Variants in USP31 observed in about 807,000 individuals in gnomAD.
USP31 encodes ubiquitin carboxyl-terminal hydrolase 31.
Under a neutral mutation model 119.4 loss-of-function variants are expected in USP31, and 44 were observed. The ratio of observed to expected loss-of-function variants is 0.37; its 90% CI spans 0.29 to 0.47. The LOEUF (loss-of-function observed/expected upper bound fraction) is 0.47. Ranked by LOEUF, USP31 falls within the 20% of genes least tolerant of loss-of-function variation. USP31 has a pLI of 0.99. For missense variants in USP31, 1,643 were observed against 1,730.2 expected (o/e 0.95, Z 0.89); for synonymous variants, 749 against 705.6 (o/e 1.06, Z -0.97).
chr16:23,087,083 T>C lies in USP31; in HGVS notation c.1622+9A>G. The C allele has an allele frequency of 6.2e-7, 1 of 1,601,320 alleles. No individual in the cohort carries two copies. Among genetic ancestry groups the C allele is most frequent in the South Asian group, 1.1e-5 (1 of 88,226 alleles). The stretch of plus-strand genomic sequence containing the variant: ...TCTAAAAGGTAATTTAAAAAAAAAT[T>C]TTTTTTACCTTTCTACTATTGGGTG... On this transcript the variant is annotated intron_variant, in intron 9 of 15. Transcript: ENST00000219689.
At chr16:23,135,239 G>A (rs1300610539) in intron 1 of USP31, among the ~76,000 whole-genome samples, 1 of 151,132 alleles carries the variant, frequency 6.6e-6, no homozygotes, top group East Asian at 1.9e-4. Flanking sequence ...ACATCATACT[G>A]AATGGTCAAA....
intron 1 of USP31, among the ~76,000 whole-genome samples, chr16:23,134,674 T>TAAAAAAAAAAAAAAAAGAA (rs1903133103): frequency 3.5e-5 from 3 of 86,850 alleles, no homozygotes; most frequent in Non-Finnish European, 4.7e-5. Context: ...GAAACAAAGC[T>TAAAAAAAAAAAAAAAAGAA]AAAAAAAAAA....
Position 23,106,494 on chromosome 16 carries a change from A to G in USP31, c.772-7T>C. On this transcript the variant is annotated splice_region_variant and splice_polypyrimidine_tract_variant and intron_variant, in intron 2 of 15. Coordinates refer to ENST00000219689, the MANE Select transcript of USP31 (RefSeq NM_020718.4). ...TATCAGTCTCTGATGGTGGCTAAAA[A>G]AAAAAGAAAGTACAACTTCACAGAC... The G allele has an allele frequency of 6.3e-7, 1 of 1,598,814 alleles. No homozygotes were observed. The highest frequency in any genetic ancestry group is 8.5e-7 in the Non-Finnish European group (1 of 1,175,078).
chr16:23,122,387 T>C (rs932437614), intron 1 of USP31, among the ~76,000 whole-genome samples: 1 of 152,166 alleles, frequency 6.6e-6, no homozygotes, highest in Admixed American at 6.6e-5. Context: ...TATAGCAATG[T>C]TGGAAAAGTG....
intron 1 of USP31, among the ~76,000 whole-genome samples, chr16:23,135,099 A>G (rs1433159586): frequency 1.6e-4 from 24 of 151,838 alleles, no homozygotes; most frequent in Admixed American, 1.5e-3. Flanking sequence ...TTGATGCAGA[A>G]GAAAGCATTT....
intron 1 of USP31, among the ~76,000 whole-genome samples, chr16:23,124,154 C>CA (rs1902770103): frequency 6.6e-6 from 1 of 152,076 alleles, no homozygotes; most frequent in Non-Finnish European, 1.5e-5. Context: ...AATCCAGAAC[C>CA]ACTCAATAGG....
intron 1 of USP31, among the ~76,000 whole-genome samples, chr16:23,112,627 G>A (rs1164898988): frequency 6.6e-6 from 1 of 152,110 alleles, no homozygotes; most frequent in Non-Finnish European, 1.5e-5. Flanking sequence ...TCTTGAAATG[G>A]TTTGGCTTAT....
chr16:23,080,002 T>C lies in USP31; in HGVS notation c.2120A>G (p.Tyr707Cys), dbSNP rs762832723. 5 of 1,614,032 alleles carry C rather than the reference T, an allele frequency of 3.1e-6. No individual in the cohort carries two copies. The highest frequency in any genetic ancestry group is 3.4e-6 in the Non-Finnish European group (4 of 1,180,018). Residue 707 changes from tyrosine (Y) to cysteine (C), a missense_variant, in exon 13 of 16, where the codon TAT becomes TGT. By Grantham distance (194) the Tyr-to-Cys change is radical (BLOSUM62 -2). Transcript: ENST00000219689. ...GLGRDPEDYI[Y>C]DLYAVCNHHG... ...GTGATTGCACACAGCATACAGGTCA[T>C]AGATGTAGTCCTCAGGGTCCCTCCC...
chr16:23,097,415 A>C (rs1901659741), intron 6 of USP31, among the ~76,000 whole-genome samples: 1 of 152,172 alleles, frequency 6.6e-6, no homozygotes, highest in African/African-American at 2.4e-5. Context: ...AGCTGGTACC[A>C]TTCCTTCTGA....
At chr16:23,070,681 T>C (rs1263825522) in intron 15 of USP31, among the ~76,000 whole-genome samples, 2 of 150,098 alleles carry the variant, frequency 1.3e-5, no homozygotes, top group Admixed American at 1.3e-4. Flanking sequence ...GCCACTACAC[T>C]CCAGCCGGGA....
In USP31 at chr16:23,067,112, GT is replaced by G; in HGVS notation, c.*933del. On this transcript the variant is annotated 3_prime_UTR_variant, in exon 16 of 16. Transcript: ENST00000219689. ...TGCAACACCTGACAAGGAAAATGAT[GT>G]CCAGTCTTTCACCCAGTTTAGAATC... 6.6e-6 allele frequency: 1 copy of G among 152,600 alleles called. No individual in the cohort carries two copies. 9.5% of individuals were successfully genotyped at this position (152,600 alleles called of 1,614,324 possible).
At chr16:23,097,991 A>G (rs1901687312) in intron 6 of USP31, among the ~76,000 whole-genome samples, 1 of 152,196 alleles carries the variant, frequency 6.6e-6, no homozygotes, top group African/African-American at 2.4e-5. Flanking sequence ...GGCAAGAGAA[A>G]GAAATAAAGG....
chr16:23,077,828 C>T (rs968059166), intron 13 of USP31, among the ~76,000 whole-genome samples: 6 of 152,076 alleles, frequency 3.9e-5, no homozygotes, highest in Non-Finnish European at 7.3e-5. Context: ...AGGCCCTTAG[C>T]CCAATGATTC....
chr16:23,070,694 C>T (rs898918071), intron 15 of USP31, among the ~76,000 whole-genome samples: 2 of 147,434 alleles, frequency 1.4e-5, no homozygotes, highest in Admixed American at 1.4e-4. Context: ...AGCCGGGAGA[C>T]AGAGACAGAC....
chr16:23,073,937 G>A lies in USP31; in HGVS notation c.2177-57C>T, dbSNP rs778048528. The A allele has an allele frequency of 7.5e-6, 12 of 1,608,926 alleles. No homozygotes were observed. In the East Asian group the frequency reaches 8.9e-5, roughly 12 times the overall value. The stretch of plus-strand genomic sequence containing the variant: ...GGAGGCTGCACCAGCCACTTCATGC[G>A]ACCCACAGACACCATCTCTTTGGCT... On this transcript the variant is annotated intron_variant, in intron 13 of 15. Transcript: ENST00000219689.
chr16:23,139,954 T>C (rs1903306518), intron 1 of USP31, among the ~76,000 whole-genome samples: 1 of 152,214 alleles, frequency 6.6e-6, no homozygotes, highest in Non-Finnish European at 1.5e-5. Context: ...TGTAGTTTTC[T>C]TAATAATGTC....
chr16:23,098,148 C>A (rs908568599), intron 6 of USP31, among the ~76,000 whole-genome samples: 2 of 152,128 alleles, frequency 1.3e-5, no homozygotes, highest in African/African-American at 4.8e-5. Context: ...AATCAATGTG[C>A]AAAAATCACA....
At chr16:23,113,672 G>A (rs1033411587) in intron 1 of USP31, among the ~76,000 whole-genome samples, 8 of 152,196 alleles carry the variant, frequency 5.3e-5, no homozygotes, top group African/African-American at 1.9e-4. Flanking sequence ...ATGACTGCCA[G>A]AGATCATTCT....
rs548010378 is a variant in USP31, at chr16:23,075,543, C to G, written c.2177-1663G>C. On this transcript the variant is annotated intron_variant, in intron 13 of 15. Coordinates refer to ENST00000219689, the MANE Select transcript of USP31 (RefSeq NM_020718.4). ...GCTCACGGACTGACACGAGCCCACA[C>G]GAGAGAAGCACCAAAAAGGAGAAAA... is the stretch of plus-strand genomic sequence containing the variant. Among the ~76,000 whole-genome samples the G allele has an allele frequency of 4.6e-5, 7 of 152,242 alleles. No individual in the cohort carries two copies. The South Asian group carries it at 6.2e-4, about 14-fold the overall frequency.
Sources: allele counts gnomAD v4.1 joint callset (sites outside exome capture counted in the v4.1 genomes callset), GRCh38; gene constraint gnomAD v4.1.1; transcripts MANE v1.5; gene names NCBI Gene and HGNC (gene_info 2026-07-23, HGNC 2026-07-21).